The following C6orf141 variants were observed in gnomAD, a reference collection of about 807,000 sequenced individuals.
The protein encoded by C6orf141 is chromosome 6 open reading frame 141, also known as uncharacterized protein C6orf141.
For synonymous variants in C6orf141, 164 were observed against 140.5 expected (o/e 1.17, Z -1.18); for missense variants, 361 against 335.8 (o/e 1.07, Z -0.59).
intron 4 of C6orf141, chr6:49,560,824 T>C (rs1466029486): frequency 6.6e-6 from 1 of 152,410 alleles, no homozygotes; most frequent in East Asian, 1.9e-4. Flanking sequence ...TACTGTCATG[T>C]AGTTAGTGAT....
chr6:49,555,545 G>A (rs1771731896), downstream of C6orf141, among the ~76,000 whole-genome samples: 1 of 129,916 alleles, frequency 7.7e-6, no homozygotes, highest in South Asian at 2.5e-4. Flanking sequence ...GCCTCGCTCT[G>A]TTGCCCAGGC....
At chr6:49,557,720 G>C (rs1360534423) in intron 4 of C6orf141, among the ~76,000 whole-genome samples, 3 of 152,112 alleles carry the variant, frequency 2.0e-5, no homozygotes, top group African/African-American at 7.2e-5. Flanking sequence ...TGGAAGCCCA[G>C]CTTCTCAAAG....
chr6:49,561,165 T>C (rs1773252555), intron 4 of C6orf141, among the ~76,000 whole-genome samples: 1 of 151,692 alleles, frequency 6.6e-6, no homozygotes, highest in Admixed American at 6.6e-5. Context: ...TGGCACGATA[T>C]CAGCTCACTG....
downstream of C6orf141, among the ~76,000 whole-genome samples, chr6:49,553,432 A>G (rs941664294): frequency 6.6e-6 from 1 of 152,192 alleles, no homozygotes; most frequent in Admixed American, 6.5e-5. Context: ...ATCCCTTAAA[A>G]TGAATCTCTT....
At chr6:49,558,802 G>T (rs1272798496) in intron 4 of C6orf141, among the ~76,000 whole-genome samples, 1 of 151,812 alleles carries the variant, frequency 6.6e-6, no homozygotes, top group African/African-American at 2.4e-5. Flanking sequence ...CCGCCTCCTG[G>T]GTCCACGTGA....
rs555246885 is a variant in C6orf141, at chr6:49,560,056, T to C, written c.*764-1648T>C. Reference sequence around the variant, plus strand: ...AGGCTGGGTGCGGTGGCTCATGCCTTTAATCCCAACACTTTGGGAGGCTGA... The same window carrying C: ...AGGCTGGGTGCGGTGGCTCATGCCTCTAATCCCAACACTTTGGGAGGCTGA... On this transcript the variant is annotated intron_variant and NMD_transcript_variant, in intron 4 of 4. Transcript: ENST00000371194. Among the ~76,000 whole-genome samples, 554 of 152,160 alleles carry C rather than the reference T, an allele frequency of 3.6e-3. 7 individuals are homozygous for C. Among genetic ancestry groups the C allele is most frequent in the African/African-American group, 0.013 (544 of 41,540 alleles).
chr6:49,558,561 A>G (rs1005197169), intron 4 of C6orf141, among the ~76,000 whole-genome samples: 1 of 152,098 alleles, frequency 6.6e-6, no homozygotes, highest in Non-Finnish European at 1.5e-5. Context: ...AATAAATGGT[A>G]TCAACCTCAT....
At chr6:49,553,783 GTT>G (rs58250338), downstream of C6orf141, among the ~76,000 whole-genome samples, 140,344 of 150,570 alleles carry the variant, frequency 0.93, 65,766 homozygotes, top group East Asian at 1. Context: ...TTCATAGAGG[GTT>G]TTTTTTTTTT....
chr6:49,560,030 C>G (rs1230854134), intron 4 of C6orf141, among the ~76,000 whole-genome samples: 1 of 152,028 alleles, frequency 6.6e-6, no homozygotes, highest in Non-Finnish European at 1.5e-5. Flanking sequence ...AGAAATTGAT[C>G]AGGCTGGGTG....
chr6:49,552,509 C>G (rs938032295), downstream of C6orf141: 2 of 152,276 alleles, frequency 1.3e-5, no homozygotes, highest in Non-Finnish European at 2.9e-5. Flanking sequence ...GCAGCCCTCT[C>G]CAGGTGAACT....
intron 4 of C6orf141, among the ~76,000 whole-genome samples, chr6:49,559,804 G>A (rs1772908656): frequency 6.6e-6 from 1 of 152,170 alleles, no homozygotes; most frequent in Non-Finnish European, 1.5e-5. Flanking sequence ...CAAAGCGAGA[G>A]AACTTTCAGG....
chr6:49,554,978 C>A (rs1480984495), downstream of C6orf141: 1 of 152,140 alleles, frequency 6.6e-6, no homozygotes, highest in Non-Finnish European at 1.5e-5. Flanking sequence ...ACTTGGGCAT[C>A]CTCAATACTA....
chr6:49,555,619 C>T (rs1771753036), downstream of C6orf141, among the ~76,000 whole-genome samples: 1 of 150,634 alleles, frequency 6.6e-6, no homozygotes, highest in Non-Finnish European at 1.5e-5. Flanking sequence ...TGCCATTCTC[C>T]TGCCTCAGCC....
At chr6:49,555,881 T>G (rs1771831552), downstream of C6orf141, among the ~76,000 whole-genome samples, 1 of 152,200 alleles carries the variant, frequency 6.6e-6, no homozygotes, top group Non-Finnish European at 1.5e-5. Flanking sequence ...GCTGGGCTTA[T>G]AGGCATCAGC....
chr6:49,556,614 C>T (rs1771990042), downstream of C6orf141, among the ~76,000 whole-genome samples: 1 of 152,078 alleles, frequency 6.6e-6, no homozygotes, highest in Admixed American at 6.5e-5. Context: ...ACTCTGCAGG[C>T]TGAGTCAGAA....
chr6:49,550,802 C>T lies in C6orf141; in HGVS notation c.10C>T (p.Pro4Ser). The T allele has an allele frequency of 6.8e-7, 1 of 1,462,658 alleles. No homozygotes were observed. Among genetic ancestry groups the T allele is most frequent in the Non-Finnish European group, 9.0e-7 (1 of 1,109,356 alleles). The allele number at this position is 1,462,658 out of a possible 1,614,324, so 90.6% of individuals were successfully genotyped here. ...GTCAAAGAAGGAACGAATGAATGAC[C>T]CTTTTGCCAGGATGGAGACCCGGGG... MND[P>S]FARMETRGPQ... The change falls in exon 1 of 1, where the codon CCT becomes TCT. Residue 4 changes from proline (P) to serine (S), a missense_variant. Physicochemically the swap from Pro to Ser is moderately conservative, Grantham distance 74. Transcript: ENST00000529246.
At chr6:49,558,059 G>GTTTTGT in intron 4 of C6orf141, among the ~76,000 whole-genome samples, 1 of 97,800 alleles carries the variant, frequency 1.0e-5, no homozygotes, top group African/African-American at 4.0e-5. Context: ...ACTCAAATAT[G>GTTTTGT]TTTTTTTTTT....
exon 5 of C6orf141, chr6:49,561,821 A>C (rs1023659352): frequency 6.6e-5 from 10 of 151,922 alleles, no homozygotes; most frequent in African/African-American, 2.2e-4. Context: ...AGTAGCTGGA[A>C]CTATAGGCAC....
At position 49,551,225 on chromosome 6, in the gene C6orf141, G is replaced by A; in HGVS notation, c.433G>A (p.Val145Ile). Reference protein sequence around the residue: ...QRQKRISGRRVAPPRDAADPP... With the variant: ...QRQKRISGRRIAPPRDAADPP... The stretch of plus-strand genomic sequence containing the variant: ...ACAAAAGCGAATTTCTGGCAGGCGT[G>A]TAGCCCCGCCGCGGGACGCAGCAGA... The change falls in exon 1 of 1, where the codon GTA becomes ATA. Residue 145 changes from valine (V) to isoleucine (I), a missense_variant. Transcript: ENST00000529246. 6.4e-7 allele frequency: 1 copy of A among 1,551,620 alleles called. No individual in the cohort carries two copies. The highest frequency in any genetic ancestry group is 8.7e-7 in the Non-Finnish European group (1 of 1,146,936).
Sources: allele counts gnomAD v4.1 joint callset (sites outside exome capture counted in the v4.1 genomes callset), GRCh38; gene constraint gnomAD v4.1.1; transcripts MANE v1.5; gene names NCBI Gene and HGNC (gene_info 2026-07-23, HGNC 2026-07-21).